Variants in DPYD observed in about 807,000 individuals in gnomAD.
The protein encoded by DPYD is dihydropyrimidine dehydrogenase, also known as dihydropyrimidine dehydrogenase [NADP(+)].
DPYD carries 109 observed loss-of-function variants against 116.2 expected under a neutral mutation model. The observed-to-expected ratio is 0.94, with a 90% CI of 0.80 to 1.10. DPYD has a LOEUF of 1.10. DPYD is among the 50% of genes least tolerant of loss of function. The pLI, the probability that DPYD is intolerant of heterozygous loss-of-function variation, is 0.00. For missense variants in DPYD, 1,302 were observed against 1,254.5 expected (o/e 1.04, Z -0.57); for synonymous variants, 440 against 432.0 (o/e 1.02, Z -0.23).
At chr1:97,382,720 C>T (rs1485250835) in intron 14 of DPYD, among the ~76,000 whole-genome samples, 1 of 152,102 alleles carries the variant, frequency 6.6e-6, no homozygotes, top group Non-Finnish European at 1.5e-5. Flanking sequence ...CTTTTCTGAT[C>T]CTCAGCATTC....
chr1:97,494,668 A>G (rs962270356), intron 13 of DPYD, among the ~76,000 whole-genome samples: 6 of 151,910 alleles, frequency 3.9e-5, no homozygotes, highest in Non-Finnish European at 8.8e-5. Flanking sequence ...TCTTGAGCCC[A>G]GGAGATCAGG....
intron 2 of DPYD, among the ~76,000 whole-genome samples, chr1:97,864,340 GA>G (rs767201931): frequency 6.1e-4 from 92 of 152,028 alleles, no homozygotes; most frequent in East Asian, 5.8e-3. Flanking sequence ...TCATTTTCCA[GA>G]AGGTATGAAA....
chr1:97,858,710 G>A (rs917228170), intron 2 of DPYD, among the ~76,000 whole-genome samples: 4 of 151,910 alleles, frequency 2.6e-5, no homozygotes, highest in South Asian at 4.1e-4. Context: ...ATGAAACTAC[G>A]TAAACATACA....
chr1:97,081,994 T>A (rs1649190705), intron 22 of DPYD, among the ~76,000 whole-genome samples: 1 of 152,160 alleles, frequency 6.6e-6, no homozygotes, highest in African/African-American at 2.4e-5. Flanking sequence ...TTCTGTTCCC[T>A]TTCCTCTGTA....
intron 20 of DPYD, among the ~76,000 whole-genome samples, chr1:97,130,678 CTTCCTTCCT>C (rs1653211607): frequency 6.8e-6 from 1 of 146,682 alleles, no homozygotes; most frequent in African/African-American, 2.5e-5. Context: ...TTTTTCCTTC[CTTCCTTCCT>C]TTCCTTCCCT....
Position 97,193,144 on chromosome 1 carries a change from C to T in DPYD, c.2547G>A (p.Trp849Ter). Reference protein sequence around the residue: ...YLKSIEELQDWDGQSPATVSH... With the variant: ...YLKSIEELQD ...TCACAGTAGCTGGACTCTGTCCATC[C>T]CAGTCTTGTAGTTCTTCAATGCTTT... Residue 849 changes from tryptophan to a stop codon, truncating the protein, a stop_gained, in exon 20 of 23, where the codon TGG becomes TGA. Coordinates refer to ENST00000370192, the MANE Select transcript of DPYD (RefSeq NM_000110.4). LOFTEE classifies it high-confidence loss of function. 1.9e-6 allele frequency: 3 copies of T among 1,614,014 alleles called. No individual in the cohort carries two copies. The highest frequency in any genetic ancestry group is 2.5e-6 in the Non-Finnish European group (3 of 1,179,938).
intron 11 of DPYD, among the ~76,000 whole-genome samples, chr1:97,559,628 T>C (rs927378705): frequency 6.6e-6 from 1 of 152,126 alleles, no homozygotes; most frequent in Non-Finnish European, 1.5e-5. Flanking sequence ...TATTTTTTGA[T>C]ATCCATCTTA....
intron 3 of DPYD, among the ~76,000 whole-genome samples, chr1:97,769,093 A>C (rs1301819371): frequency 6.6e-6 from 1 of 152,102 alleles, no homozygotes; most frequent in Non-Finnish European, 1.5e-5. Flanking sequence ...TTCTATAGCT[A>C]TTCATCTTTC....
At chr1:97,649,794 G>T (rs115896655) in intron 8 of DPYD, among the ~76,000 whole-genome samples, 69 of 152,060 alleles carry the variant, frequency 4.5e-4, no homozygotes, top group African/African-American at 1.6e-3. Context: ...TTTAAGCCAT[G>T]ACCATTCCTG....
intron 18 of DPYD, among the ~76,000 whole-genome samples, chr1:97,296,550 CTT>C (rs1666541960): frequency 6.6e-6 from 1 of 151,950 alleles, no homozygotes; most frequent in African/African-American, 2.4e-5. Context: ...ATAAAATTCA[CTT>C]TTATTTTGAA....
chr1:97,287,988 A>T (rs1055658789), intron 18 of DPYD, among the ~76,000 whole-genome samples: 4 of 151,118 alleles, frequency 2.6e-5, no homozygotes, highest in African/African-American at 7.3e-5. Context: ...AGGATGGAGG[A>T]AGATCTACCA....
At chr1:97,679,920 C>T (rs1660344531) in intron 7 of DPYD, among the ~76,000 whole-genome samples, 1 of 152,086 alleles carries the variant, frequency 6.6e-6, no homozygotes, top group Admixed American at 6.6e-5. Flanking sequence ...AAACTATGGT[C>T]ATTTATCCAA....
chr1:97,686,359 G>A (rs564753430), intron 7 of DPYD, among the ~76,000 whole-genome samples: 14 of 151,960 alleles, frequency 9.2e-5, no homozygotes, highest in Middle Eastern at 3.4e-3. Flanking sequence ...CATATAGGCC[G>A]GGCGCGGTGG....
At chr1:97,176,786 G>T (rs34031151) in intron 20 of DPYD, among the ~76,000 whole-genome samples, 23,015 of 151,620 alleles carry the variant, frequency 0.15, 1,878 homozygotes, top group East Asian at 0.29. Context: ...GAGGAATATT[G>T]GCTTCAGGGG....
At position 97,572,268 on chromosome 1, in the gene DPYD, G is replaced by A. The variant is rs145611934; in HGVS notation, c.1339+1492C>T. Among the ~76,000 whole-genome samples the A allele has an allele frequency of 2.9e-3, 441 of 151,946 alleles. 5 individuals are homozygous for A. Among genetic ancestry groups the A allele is most frequent in the Non-Finnish European group, 5.2e-3 (355 of 67,880 alleles). On this transcript the variant is annotated intron_variant, in intron 11 of 22. Coordinates refer to ENST00000370192, the MANE Select transcript of DPYD (RefSeq NM_000110.4). ...TTTTCTCCTTCTTCATATTTTATAT[G>A]CTAACTTAAATCTTTTATTCTTCAT...
chr1:97,631,634 T>C (rs1029497100), intron 8 of DPYD, among the ~76,000 whole-genome samples: 4 of 152,088 alleles, frequency 2.6e-5, no homozygotes, highest in Non-Finnish European at 4.4e-5. Flanking sequence ...TAAAAATATA[T>C]ATGAATTAAT....
chr1:97,695,899 G>A (rs1661275119), intron 6 of DPYD, among the ~76,000 whole-genome samples: 2 of 152,132 alleles, frequency 1.3e-5, no homozygotes, highest in Non-Finnish European at 2.9e-5. Context: ...GGAGGCCAAG[G>A]TGGGTAGATC....
chr1:97,328,653 A>G (rs1383760691), intron 16 of DPYD, among the ~76,000 whole-genome samples: 1 of 152,132 alleles, frequency 6.6e-6, no homozygotes, highest in African/African-American at 2.4e-5. Context: ...AAAAGTATCA[A>G]TAGTGTTATA....
chr1:97,478,797 T>C (rs1393488925), intron 13 of DPYD, among the ~76,000 whole-genome samples: 1 of 152,240 alleles, frequency 6.6e-6, no homozygotes. Flanking sequence ...AAATCTGTTA[T>C]CTAATGTAGT....
Sources: allele counts gnomAD v4.1 joint callset (sites outside exome capture counted in the v4.1 genomes callset), GRCh38; gene constraint gnomAD v4.1.1; transcripts MANE v1.5; gene names NCBI Gene and HGNC (gene_info 2026-07-23, HGNC 2026-07-21).